The following KIF11 variants were observed in gnomAD, a reference collection of about 807,000 sequenced individuals.
The protein encoded by KIF11 is kinesin family member 11, also known as kinesin-like protein KIF11.
A neutral mutation model predicts 121.0 loss-of-function variants in KIF11; 9 were observed. The observed-to-expected ratio is 0.07, with a 90% CI of 0.04 to 0.13. The LOEUF is 0.13. Among genes scored for constraint, KIF11 ranks in the 10% least tolerant of loss-of-function variants. The pLI, the probability that KIF11 is intolerant of heterozygous loss-of-function variation, is 1.00. For missense variants in KIF11, 846 were observed against 1,217.5 expected (o/e 0.69, Z 4.54); for synonymous variants, 408 against 421.0 (o/e 0.97, Z 0.38).
intron 4 of KIF11, 139 bp downstream of exon 4, chr10:92,607,376 G>A (rs1844441573): frequency 1.8e-6 from 1 of 568,872 alleles, no homozygotes; most frequent in East Asian, 3.0e-5. Flanking sequence ...CACTACTACA[G>A]TAAAATTAAA....
chr10:92,615,499 TG>T (rs1325092395), intron 8 of KIF11, among the ~76,000 whole-genome samples: 1 of 152,166 alleles, frequency 6.6e-6, no homozygotes, highest in Non-Finnish European at 1.5e-5. Flanking sequence ...TAAAATTCAC[TG>T]ATTTAAAGTA....
intron 10 of KIF11, 74 bp downstream of exon 10, chr10:92,621,547 T>G (rs143914974): frequency 3.5e-6 from 3 of 856,036 alleles, no homozygotes; most frequent in Admixed American, 4.0e-5. Flanking sequence ...GTAAAACTTA[T>G]GTAGCAGTAA....
At chr10:92,609,570 G>C in intron 6 of KIF11, 61 bp downstream of exon 6, 1 of 1,532,654 alleles carries the variant, frequency 6.5e-7, no homozygotes. Flanking sequence ...TAGGAACTTG[G>C]AGAAAGTCAA....
At chr10:92,602,877 C>G (rs541664006) in intron 1 of KIF11, among the ~76,000 whole-genome samples, 6 of 147,084 alleles carry the variant, frequency 4.1e-5, no homozygotes, top group East Asian at 4.1e-4. Flanking sequence ...TGTTTTGAGA[C>G]TGAGTTTCGC....
At position 92,651,507 on chromosome 10, in the gene KIF11, G is replaced by GTTTTTTTTTTTTTTTTTTTTTTT. The variant is rs1175303233; in HGVS notation, c.3039+1009_3039+1031dup. 5.7e-5 allele frequency among the ~76,000 whole-genome samples: 3 copies of GTTTTTTTTTTTTTTTTTTTTTTT among 52,974 alleles called. 1 individual carries two copies. Among genetic ancestry groups the GTTTTTTTTTTTTTTTTTTTTTTT allele is most frequent in the Middle Eastern group, 0.019 (1 of 54 alleles). The allele number at this position is 52,974 out of a possible 152,430, so 34.8% of individuals were successfully genotyped here. A position where few individuals can be genotyped will look rare whatever the true frequency, so the allele number is the denominator to read the frequency against. The stretch of plus-strand genomic sequence containing the variant: ...TGTGCCACCATGCCTGGCTAATTTT[G>GTTTTTTTTTTTTTTTTTTTTTTT]TTTTTTTTTTTTTTTTTTTTTTTTT... On this transcript the variant is annotated intron_variant, in intron 21 of 21. Transcript: ENST00000260731.
chr10:92,605,339 C>T (rs573771684), intron 1 of KIF11, among the ~76,000 whole-genome samples: 1 of 152,176 alleles, frequency 6.6e-6, no homozygotes, highest in South Asian at 2.1e-4. Flanking sequence ...ACAATAAGTA[C>T]CTGGCACATA....
At chr10:92,633,842 T>C in intron 14 of KIF11, 47 bp downstream of exon 14, 1 of 1,216,006 alleles carries the variant, frequency 8.2e-7, no homozygotes. Flanking sequence ...ATTTGATAAG[T>C]ATTTGATAAA....
chr10:92,599,663 T>C lies in KIF11; in HGVS notation c.77+6211T>C, dbSNP rs200975426. Among the ~76,000 whole-genome samples the C allele has an allele frequency of 5.8e-5, 7 of 120,970 alleles. No homozygotes were observed. In the East Asian group the frequency reaches 1.1e-3, roughly 20 times the overall value. 79.4% of individuals were successfully genotyped at this position (120,970 alleles called of 152,430 possible). Reference sequence around the variant, plus strand: ...TAATTTTAGAGTTTTCTTTTCTTTTTTTTTTTTTGAGATGGAGTCTCGCTT... The same window carrying C: ...TAATTTTAGAGTTTTCTTTTCTTTTCTTTTTTTTGAGATGGAGTCTCGCTT... On this transcript the variant is annotated intron_variant, in intron 1 of 21. Transcript: ENST00000260731.
chr10:92,595,976 C>A (rs1340649443), intron 1 of KIF11, among the ~76,000 whole-genome samples: 1 of 152,096 alleles, frequency 6.6e-6, no homozygotes, highest in Non-Finnish European at 1.5e-5. Flanking sequence ...CTTCATATGT[C>A]AATGGATACT....
At chr10:92,602,136 C>T (rs1173288221) in intron 1 of KIF11, among the ~76,000 whole-genome samples, 1 of 152,008 alleles carries the variant, frequency 6.6e-6, no homozygotes, top group African/African-American at 2.4e-5. Context: ...GTGTATAATC[C>T]TTGTGCTGCT....
At chr10:92,607,114 T>C (rs1440855007) in intron 3 of KIF11, 45 bp from the exon 4 acceptor site, 3 of 1,116,206 alleles carry the variant, frequency 2.7e-6, no homozygotes, top group Non-Finnish European at 2.7e-6. Context: ...AAGAGTCATA[T>C]GGGTGCATGT....
intron 1 of KIF11, chr10:92,596,998 C>A: frequency 5.0e-6 from 2 of 402,486 alleles, no homozygotes; most frequent in South Asian, 2.2e-5. Flanking sequence ...ATGCATGGGT[C>A]ACATTTGATA....
intron 3 of KIF11, 75 bp from the exon 4 acceptor site, chr10:92,607,084 T>C (rs1003083619): frequency 1.1e-6 from 1 of 890,546 alleles, no homozygotes; most frequent in Admixed American, 2.1e-5. Flanking sequence ...GCTTGTTTTT[T>C]GTTTTTCTAG....
At chr10:92,633,951 G>C (rs1321345073) in intron 14 of KIF11, among the ~76,000 whole-genome samples, 156 bp downstream of exon 14, 1 of 152,116 alleles carries the variant, frequency 6.6e-6, no homozygotes, top group Non-Finnish European at 1.5e-5. Flanking sequence ...ACACGTCACT[G>C]TGAGAGACTA....
At chr10:92,616,913 A>T in intron 9 of KIF11, 81 bp downstream of exon 9, 1 of 776,646 alleles carries the variant, frequency 1.3e-6, no homozygotes, top group Non-Finnish European at 2.1e-6. Flanking sequence ...GATAATAGTT[A>T]AACAAGATTT....
intron 9 of KIF11, among the ~76,000 whole-genome samples, chr10:92,618,030 G>C (rs1036152167): frequency 6.6e-6 from 1 of 152,064 alleles, no homozygotes; most frequent in Non-Finnish European, 1.5e-5. Flanking sequence ...GAGCCAATAC[G>C]CCTGGCCCCA....
intron 6 of KIF11, 95 bp downstream of exon 6, chr10:92,609,604 G>A: frequency 6.8e-6 from 8 of 1,179,938 alleles, no homozygotes; most frequent in Non-Finnish European, 9.6e-6. Flanking sequence ...AGGGTATGTG[G>A]GTCACGTACC....
Position 92,609,483 on chromosome 10 carries a change from A to G in KIF11, c.672A>G (p.Ala224=). ...LEKGAAKRTT[A]ATLMNAYSSR... Reference sequence around the variant, plus strand: ...AGGGGGCAGCAAAAAGGACAACTGCAGCTACTCTGATGAATGCATACTCTA... The same window carrying G: ...AGGGGGCAGCAAAAAGGACAACTGCGGCTACTCTGATGAATGCATACTCTA... Residue 224 remains alanine (A), a synonymous_variant, in exon 6 of 22, where the codon GCA becomes GCG. Transcript: ENST00000260731. The G allele has an allele frequency of 6.2e-7, 1 of 1,613,782 alleles. No individual in the cohort carries two copies. The highest frequency in any genetic ancestry group is 8.5e-7 in the Non-Finnish European group (1 of 1,179,846).
At chr10:92,627,811 A>T (rs890600248) in intron 10 of KIF11, among the ~76,000 whole-genome samples, 1 of 152,046 alleles carries the variant, frequency 6.6e-6, no homozygotes, top group African/African-American at 2.4e-5. Flanking sequence ...CTTTTGTTCT[A>T]GCCCTCAGTC....
Sources: allele counts gnomAD v4.1 joint callset (sites outside exome capture counted in the v4.1 genomes callset), GRCh38; gene constraint gnomAD v4.1.1; transcripts MANE v1.5; gene names NCBI Gene and HGNC (gene_info 2026-07-23, HGNC 2026-07-21).